SLC39A11: variants seen among roughly 807,000 people sequenced by gnomAD.
The protein encoded by SLC39A11 is solute carrier family 39 member 11.
SLC39A11 carries 33 observed loss-of-function variants against 36.1 expected under a neutral mutation model. The ratio of observed to expected loss-of-function variants is 0.91; its 90% confidence interval spans 0.69 to 1.22. SLC39A11 has a LOEUF of 1.22. Ranked by LOEUF, SLC39A11 falls within the 50% of genes most tolerant of loss-of-function variation. SLC39A11 has a pLI of 0.00. For missense variants in SLC39A11, 432 were observed against 430.3 expected, an observed-to-expected ratio of 1.00 and a Z score of -0.03; for synonymous variants, 166 against 170.3, an observed-to-expected ratio of 0.97 and a Z score of 0.20.
At chr17:72,947,494 C>T in intron 5 of SLC39A11, 2 of 528,920 alleles carry the variant, frequency 3.8e-6, no homozygotes, top group Non-Finnish European at 6.8e-6. Context: ...GTCCACCTGT[C>T]CAAGTCGAAA....
intron 5 of SLC39A11, among the ~76,000 whole-genome samples, chr17:72,927,215 T>A (rs1002072550): frequency 6.9e-6 from 1 of 145,634 alleles, no homozygotes; most frequent in African/African-American, 2.6e-5. Context: ...CCCAGCTAAC[T>A]TTTATTTTTA....
intron 6 of SLC39A11, among the ~76,000 whole-genome samples, chr17:72,847,403 T>A (rs1333545005): frequency 1.7e-4 from 24 of 141,454 alleles, no homozygotes; most frequent in African/African-American, 4.7e-4. Context: ...CTCTGTCTCA[T>A]AAAAAAAAAA....
chr17:72,660,167 A>C (rs78816059), intron 7 of SLC39A11, among the ~76,000 whole-genome samples: 13,963 of 152,262 alleles, frequency 0.092, 725 homozygotes, highest in Middle Eastern at 0.15. Context: ...TGTCAGCAGC[A>C]GCACAGAGCA....
At chr17:72,852,986 A>T (rs2079438180) in intron 5 of SLC39A11, among the ~76,000 whole-genome samples, 1 of 150,736 alleles carries the variant, frequency 6.6e-6, no homozygotes, top group Non-Finnish European at 1.5e-5. Flanking sequence ...GCCAAAAGAA[A>T]AATCTCTTCT....
chr17:72,967,221 T>G (rs1238822223), intron 4 of SLC39A11, among the ~76,000 whole-genome samples: 5 of 152,108 alleles, frequency 3.3e-5, no homozygotes, highest in Non-Finnish European at 7.4e-5. Flanking sequence ...CCCACAACCA[T>G]CCATCCCCCG....
intron 6 of SLC39A11, among the ~76,000 whole-genome samples, chr17:72,775,528 C>T (rs2076102412): frequency 1.3e-5 from 2 of 152,012 alleles, no homozygotes; most frequent in Non-Finnish European, 2.9e-5. Flanking sequence ...TGGTGCAACT[C>T]AGTGAGAAGA....
intron 5 of SLC39A11, among the ~76,000 whole-genome samples, chr17:72,891,274 A>T (rs61218646): frequency 3.9e-5 from 6 of 152,044 alleles, no homozygotes; most frequent in Non-Finnish European, 1.5e-5. Flanking sequence ...ATACAAAATT[A>T]GCTGGGCGTG....
At chr17:72,799,091 A>C (rs2076997314) in intron 6 of SLC39A11, among the ~76,000 whole-genome samples, 1 of 152,130 alleles carries the variant, frequency 6.6e-6, no homozygotes, top group African/African-American at 2.4e-5. Flanking sequence ...GTATGGTTGC[A>C]TGCATGTCTG....
At chr17:73,051,525 G>T (rs1245454608) in intron 3 of SLC39A11, among the ~76,000 whole-genome samples, 2 of 151,280 alleles carry the variant, frequency 1.3e-5, no homozygotes, top group Non-Finnish European at 2.9e-5. Context: ...AGGAGGACAG[G>T]TTAGGAGGTG....
At chr17:72,661,478 C>A (rs538168525) in intron 7 of SLC39A11, among the ~76,000 whole-genome samples, 45 of 152,334 alleles carry the variant, frequency 3.0e-4, no homozygotes, top group Non-Finnish European at 5.3e-4. Flanking sequence ...CCCTGCTTCA[C>A]CCCGGCTTTC....
intron 5 of SLC39A11, among the ~76,000 whole-genome samples, chr17:72,867,148 G>C (rs1183910166): frequency 6.6e-6 from 1 of 152,098 alleles, no homozygotes; most frequent in Non-Finnish European, 1.5e-5. Flanking sequence ...TAGGGAGGAG[G>C]GGAGAGATGC....
At chr17:72,909,250 G>A (rs569595792) in intron 5 of SLC39A11, among the ~76,000 whole-genome samples, 9 of 152,316 alleles carry the variant, frequency 5.9e-5, no homozygotes, top group Admixed American at 1.3e-4. Flanking sequence ...GATTACAGGC[G>A]TCAGCCATTG....
At chr17:72,850,726 C>T (rs1210080645) in intron 5 of SLC39A11, among the ~76,000 whole-genome samples, 1 of 152,148 alleles carries the variant, frequency 6.6e-6, no homozygotes, top group Non-Finnish European at 1.5e-5. Flanking sequence ...AATAGCATTA[C>T]CTATGTCACA....
Position 73,074,532 on chromosome 17 carries a change from C to G in SLC39A11, c.147+10276G>C, listed in dbSNP as rs569358800. On this transcript the variant is annotated intron_variant, in intron 3 of 9. Coordinates refer to ENST00000255559, the MANE Select transcript of SLC39A11 (RefSeq NM_139177.4). The stretch of plus-strand genomic sequence containing the variant: ...CAGGCTGGTCTCGAACTCCTGGCCT[C>G]GTGATCCACCCACCTCGGCTTCCCA... 1.8e-4 allele frequency among the ~76,000 whole-genome samples: 27 copies of G among 152,154 alleles called. No homozygotes were observed. The South Asian group carries it at 5.4e-3, about 30-fold the overall frequency.
intron 5 of SLC39A11, among the ~76,000 whole-genome samples, chr17:72,913,390 C>A (rs372888225): frequency 6.8e-4 from 104 of 152,142 alleles, no homozygotes; most frequent in Non-Finnish European, 1.4e-3. Context: ...AGGGAGGGAC[C>A]TGACTTCCTT....
chr17:73,034,565 T>C (rs2058842648), intron 3 of SLC39A11, among the ~76,000 whole-genome samples: 1 of 152,214 alleles, frequency 6.6e-6, no homozygotes, highest in East Asian at 1.9e-4. Context: ...GCTTCTCTGG[T>C]TCTCCCATAC....
intron 7 of SLC39A11, among the ~76,000 whole-genome samples, chr17:72,654,943 T>A (rs921091978): frequency 1.3e-5 from 2 of 152,136 alleles, no homozygotes; most frequent in African/African-American, 4.8e-5. Flanking sequence ...GGAGCCACCA[T>A]CCTGATAAGC....
chr17:73,031,966 T>A (rs1452170127), intron 3 of SLC39A11, among the ~76,000 whole-genome samples: 2 of 152,144 alleles, frequency 1.3e-5, no homozygotes, highest in Non-Finnish European at 2.9e-5. Context: ...TTCGCCATCA[T>A]CTAGCCTATA....
chr17:73,045,194 A>C (rs1006507536), intron 3 of SLC39A11, among the ~76,000 whole-genome samples: 13 of 152,006 alleles, frequency 8.6e-5, no homozygotes, highest in African/African-American at 3.1e-4. Context: ...AAGTACCAGC[A>C]GTGTTAAACC....
Sources: allele counts gnomAD v4.1 joint callset (sites outside exome capture counted in the v4.1 genomes callset), GRCh38; gene constraint gnomAD v4.1.1; transcripts MANE v1.5; gene names NCBI Gene and HGNC (gene_info 2026-07-23, HGNC 2026-07-21).